Variants in GALNT15 observed in about 807,000 individuals in gnomAD.
GALNT15 encodes the protein polypeptide N-acetylgalactosaminyltransferase 15.
GALNT15 carries 67 observed loss-of-function variants against 66.8 expected under a neutral mutation model. The observed-to-expected ratio is 1.00, with a 90% CI of 0.82 to 1.23. GALNT15 has a LOEUF of 1.23. Ranked by LOEUF, GALNT15 falls within the 50% of genes most tolerant of loss-of-function variation. The pLI, the probability that GALNT15 is intolerant of heterozygous loss-of-function variation, is 0.00. For synonymous variants in GALNT15, 313 were observed against 311.5 expected (o/e 1.00, Z -0.05); for missense variants, 827 against 804.3 (o/e 1.03, Z -0.34).
At position 16,219,449 on chromosome 3, in the gene GALNT15, TG is replaced by T; in HGVS notation, c.1442del (p.Gly481ValfsTer90). ...GAACGCTTGCAGCTGCAAAGGAGAC[TG>T]GGTTGTCGGACATTCCACTGGTTTC... ...CMERLQLQRR[L>X]GCRTFHWFLA... On this transcript the variant is annotated frameshift_variant, in exon 7 of 10. Transcript: ENST00000339732. LOFTEE classifies it high-confidence loss of function. The surrounding 1 kb of genome is among the most constrained non-coding windows in gnomAD (Gnocchi z 4.3). 1.2e-6 allele frequency: 2 copies of T among 1,614,234 alleles called. No homozygotes were observed.
chr3:16,247,823 T>C, the GALNT15 span, among the ~76,000 whole-genome samples: 1 of 152,218 alleles, frequency 6.6e-6, no homozygotes, highest in Non-Finnish European at 1.5e-5. Flanking sequence ...ACCCAGCACC[T>C]TTTTAGCACT....
chr3:16,196,557 C>T (rs1001106976), intron 2 of GALNT15, among the ~76,000 whole-genome samples: 4 of 152,142 alleles, frequency 2.6e-5, no homozygotes, highest in Admixed American at 1.3e-4. Context: ...AGAGAAGCCC[C>T]CACTTGACTC....
At chr3:16,243,242 A>T in the GALNT15 span, among the ~76,000 whole-genome samples, 1 of 152,196 alleles carries the variant, frequency 6.6e-6, no homozygotes, top group African/African-American at 2.4e-5. Context: ...CTTGACCTGG[A>T]TGTCGTGCAA....
rs114904409 is a variant in GALNT15, at chr3:16,200,578, G to A, written c.707-41G>A. The A allele has an allele frequency of 3.9e-4, 558 of 1,424,262 alleles. 5 individuals are homozygous for A. In the African/African-American group the frequency reaches 7.0e-3, roughly 18 times the overall value. The allele number at this position is 1,424,262 out of a possible 1,614,324, so 88.2% of individuals were successfully genotyped here. ...TCTTAGTCACAATCTCATCGGTTGT[G>A]GCATTTGTCATTCCACTGACCACAA... On this transcript the variant is annotated intron_variant, in intron 2 of 9. Coordinates refer to ENST00000339732, the MANE Select transcript of GALNT15 (RefSeq NM_054110.5). This position sits in a 1 kb window ranked among gnomAD's most constrained non-coding sequence, Gnocchi z 4.4.
the GALNT15 span, chr3:16,244,070 G>A: frequency 1.1e-6 from 1 of 923,720 alleles, no homozygotes; most frequent in Non-Finnish European, 1.3e-6. Flanking sequence ...ACAGCTGCAT[G>A]GCTCAAAGTA....
intron 2 of GALNT15, among the ~76,000 whole-genome samples, chr3:16,197,609 A>G (rs1013363295): frequency 6.6e-6 from 1 of 152,166 alleles, no homozygotes; most frequent in African/African-American, 2.4e-5. Context: ...AGCCACCTTG[A>G]TGGGCTTCCA....
intron 8 of GALNT15, 145 bp from the exon 9 acceptor site, chr3:16,222,470 A>C (rs1354275260): frequency 1.1e-6 from 1 of 938,190 alleles, no homozygotes. Flanking sequence ...TTTGGACTTG[A>C]CCATGAGATA....
At position 16,184,443 on chromosome 3, in the gene GALNT15, G is replaced by A. The variant is rs2063499239; in HGVS notation, c.539+8753G>A. ...ACATGCCAGCCCTTTCCCACCTCTG[G>A]GCCTTAGCAGAGGCTGTGACACCTG... is the stretch of plus-strand genomic sequence containing the variant. On this transcript the variant is annotated intron_variant, in intron 1 of 9. Transcript: ENST00000339732. This position sits in a 1 kb window ranked among gnomAD's most constrained non-coding sequence, Gnocchi z 5.0. Among the ~76,000 whole-genome samples, 1 of 151,948 alleles carries A rather than the reference G, an allele frequency of 6.6e-6. No individual in the cohort carries two copies. The highest frequency in any genetic ancestry group is 2.1e-4 in the South Asian group (1 of 4,826).
In GALNT15 at chr3:16,209,821, C is replaced by A. The variant is rs546364287; in HGVS notation, c.1079+1151C>A. On this transcript the variant is annotated intron_variant, in intron 4 of 9. Transcript: ENST00000339732. The surrounding 1 kb of genome is among the most constrained non-coding windows in gnomAD (Gnocchi z 4.1). ...TGGGTGACAGAGCAAGATTCTGTCT[C>A]AAAAACAAAAAACAAAAACAAAATC... 5.6e-4 allele frequency among the ~76,000 whole-genome samples: 85 copies of A among 152,198 alleles called. 1 individual carries two copies. The South Asian group carries it at 0.014, about 25-fold the overall frequency.
Position 16,220,052 on chromosome 3 carries a change from A to G in GALNT15, c.1629+38A>G, listed in dbSNP as rs776725762. On this transcript the variant is annotated intron_variant, in intron 8 of 9. Transcript: ENST00000339732. ...ACTTCTCAGGATGGATGATAGCCCAAGAAGACTTGAAAGTGGGCGATATTT... is the reference window on the plus strand; with the variant it reads ...ACTTCTCAGGATGGATGATAGCCCAGGAAGACTTGAAAGTGGGCGATATTT... 2.1e-4 allele frequency: 313 copies of G among 1,496,792 alleles called. 1 individual carries two copies. The highest frequency in any genetic ancestry group is 2.8e-4 in the Non-Finnish European group (299 of 1,072,924). The allele number at this position is 1,496,792 out of a possible 1,614,324, so 92.7% of individuals were successfully genotyped here. A position where few individuals can be genotyped will look rare whatever the true frequency, so the allele number is the denominator to read the frequency against.
intron 8 of GALNT15, among the ~76,000 whole-genome samples, chr3:16,222,016 A>G (rs1300239926): frequency 6.6e-6 from 1 of 152,232 alleles, no homozygotes; most frequent in African/African-American, 2.4e-5. Flanking sequence ...CCTGTCTGTA[A>G]GCCACAAAAT....
intron 9 of GALNT15, among the ~76,000 whole-genome samples, chr3:16,226,956 A>C (rs1339343606): frequency 2.0e-5 from 3 of 152,238 alleles, no homozygotes; most frequent in African/African-American, 7.2e-5. Context: ...TGGTAACAAC[A>C]GTGCCCAACT....
At chr3:16,177,231 A>T (rs1467944241) in intron 1 of GALNT15, among the ~76,000 whole-genome samples, 1 of 152,218 alleles carries the variant, frequency 6.6e-6, no homozygotes, top group Non-Finnish European at 1.5e-5. Context: ...ATAGTTTTCA[A>T]ATTTTTTGAC....
chr3:16,246,264 A>G, the GALNT15 span, among the ~76,000 whole-genome samples: 1 of 151,708 alleles, frequency 6.6e-6, no homozygotes, highest in East Asian at 1.9e-4. Context: ...TCCTGAGGGA[A>G]CTGTCCTAAG....
chr3:16,214,232 T>C (rs2063849246), intron 6 of GALNT15, among the ~76,000 whole-genome samples: 1 of 152,254 alleles, frequency 6.6e-6, no homozygotes, highest in African/African-American at 2.4e-5. Flanking sequence ...TGTTCTTCTT[T>C]AGTCTCCTTC....
chr3:16,175,039 A>G lies in GALNT15; in HGVS notation c.-113A>G. 1.0e-6 allele frequency: 1 copy of G among 989,318 alleles called. No individual in the cohort carries two copies. The highest frequency in any genetic ancestry group is 2.2e-4 in the Middle Eastern group (1 of 4,610). The allele number at this position is 989,318 out of a possible 1,614,324, so 61.3% of individuals were successfully genotyped here. A position where few individuals can be genotyped will look rare whatever the true frequency, so the allele number is the denominator to read the frequency against. On this transcript the variant is annotated 5_prime_UTR_variant, in exon 1 of 10. Coordinates refer to ENST00000339732, the MANE Select transcript of GALNT15 (RefSeq NM_054110.5). This position sits in a 1 kb window ranked among gnomAD's most constrained non-coding sequence, Gnocchi z 5.6. Reference sequence around the variant, plus strand: ...CAGGACCAGGTTAAGTGACTGGCAGAAAAACTTCCAGGTGGAACAAGCAAC... The same window carrying G: ...CAGGACCAGGTTAAGTGACTGGCAGGAAAACTTCCAGGTGGAACAAGCAAC...
chr3:16,208,895 T>C (rs187138348), intron 4 of GALNT15, among the ~76,000 whole-genome samples: 35 of 152,340 alleles, frequency 2.3e-4, no homozygotes, highest in Admixed American at 2.0e-3. Context: ...GAAAAGCACT[T>C]AGAGAGTGCC....
chr3:16,211,047 G>T lies in GALNT15; in HGVS notation c.1080-77G>T. 9.6e-7 allele frequency: 1 copy of T among 1,042,046 alleles called. No homozygotes were observed. The highest frequency in any genetic ancestry group is 1.5e-6 in the Non-Finnish European group (1 of 671,396). The allele number at this position is 1,042,046 out of a possible 1,614,324, so 64.5% of individuals were successfully genotyped here. The stretch of plus-strand genomic sequence containing the variant: ...TCTCAGCCACTGGAGCTCCCACCTG[G>T]GAAGCCCCAGCCCCCAGCCTCGCCT... On this transcript the variant is annotated intron_variant, in intron 4 of 9. Transcript: ENST00000339732. This position sits in a 1 kb window ranked among gnomAD's most constrained non-coding sequence, Gnocchi z 4.3.
intron 2 of GALNT15, among the ~76,000 whole-genome samples, chr3:16,196,672 G>T (rs2063642447): frequency 6.6e-6 from 1 of 152,172 alleles, no homozygotes; most frequent in African/African-American, 2.4e-5. Flanking sequence ...GATGGAGTGG[G>T]GCCGAAGAAT....
Sources: allele counts gnomAD v4.1 joint callset (sites outside exome capture counted in the v4.1 genomes callset), GRCh38; gene constraint gnomAD v4.1.1; non-coding constraint Gnocchi (gnomAD v3.1); transcripts MANE v1.5; gene names NCBI Gene and HGNC (gene_info 2026-07-23, HGNC 2026-07-21).